The following SOD2 variants were observed in gnomAD, a reference collection of about 807,000 sequenced individuals.
SOD2 encodes the protein superoxide dismutase [Mn], mitochondrial.
In SOD2, 11 loss-of-function variants were observed where a neutral mutation model predicts 27.0. The observed-to-expected ratio is 0.41, with a 90% CI of 0.26 to 0.67. The LOEUF is 0.67. SOD2 is among the 30% of genes least tolerant of loss of function. The pLI is 0.34. For synonymous variants in SOD2, 105 were observed against 103.0 expected (o/e 1.02, Z -0.12); for missense variants, 250 against 274.5 (o/e 0.91, Z 0.63).
intron 1 of SOD2, among the ~76,000 whole-genome samples, chr6:159,757,972 A>ATT (rs574068173): frequency 4.1e-4 from 63 of 152,328 alleles, no homozygotes; most frequent in African/African-American, 1.5e-3. Context: ...TGGACCTGTT[A>ATT]ATGTGACATT....
upstream of SOD2, chr6:159,748,851 T>A: frequency 8.2e-7 from 1 of 1,216,476 alleles, no homozygotes. This position sits in a 1 kb window ranked among gnomAD's most constrained non-coding sequence, Gnocchi z 5.6. Flanking sequence ...GCATAGTGAC[T>A]TAGAGACACT....
intron 1 of SOD2, among the ~76,000 whole-genome samples, chr6:159,717,659 C>T (rs888885733): frequency 6.6e-6 from 1 of 152,082 alleles, no homozygotes; most frequent in Non-Finnish European, 1.5e-5. Flanking sequence ...AGCACTTATT[C>T]CTCCCATCTA....
At chr6:159,710,052 G>A (rs570134159) in intron 1 of SOD2, among the ~76,000 whole-genome samples, 1 of 143,844 alleles carries the variant, frequency 7.0e-6, no homozygotes, top group African/African-American at 2.6e-5. Flanking sequence ...TCACTCATAG[G>A]TGGGAATTGA....
chr6:159,736,761 T>G (rs1027344209), intron 1 of SOD2: 1 of 153,914 alleles, frequency 6.5e-6, no homozygotes, highest in Admixed American at 6.5e-5. Flanking sequence ...CTCTGAAGTT[T>G]TGTTGTCTAG....
intron 1 of SOD2, among the ~76,000 whole-genome samples, chr6:159,754,804 A>G (rs1310438271): frequency 2.0e-5 from 3 of 152,086 alleles, no homozygotes; most frequent in African/African-American, 7.2e-5. Flanking sequence ...TCATTGTTGC[A>G]TGTGGAGGGC....
At position 159,669,396 on chromosome 6, in the gene SOD2, G is replaced by C. The variant is rs1779608987; in HGVS notation, c.*13097C>G. 1 of 152,212 alleles carries C rather than the reference G, an allele frequency of 6.6e-6. No individual in the cohort carries two copies. The highest frequency in any genetic ancestry group is 6.5e-5 in the Admixed American group (1 of 15,282). 9.4% of individuals were successfully genotyped at this position (152,212 alleles called of 1,614,324 possible). On this transcript the variant is annotated 3_prime_UTR_variant, in exon 5 of 5. Transcript: ENST00000538183. ...GTCTAGAAAATCTGTCCAATGCTGA[G>C]AGTAGAGTGAAGTCCTCAACTACTA... is the stretch of plus-strand genomic sequence containing the variant.
chr6:159,701,781 C>G (rs542262323), intron 1 of SOD2, among the ~76,000 whole-genome samples: 43 of 152,132 alleles, frequency 2.8e-4, no homozygotes, highest in African/African-American at 1.0e-3. Context: ...TGAATGGTAC[C>G]CAACATTTCC....
chr6:159,701,398 A>G (rs902173021), intron 1 of SOD2, among the ~76,000 whole-genome samples: 4 of 152,162 alleles, frequency 2.6e-5, no homozygotes, highest in Admixed American at 6.6e-5. Context: ...TAAAGAACAT[A>G]TATTTTTTAA....
chr6:159,682,377 G>A lies in SOD2; in HGVS notation c.*116C>T. Reference sequence around the variant, plus strand: ...ACATTAAGTTGTTTATGAAATAAGTGACTAAGCAACATCAAGAAATGCTAC... The same window carrying A: ...ACATTAAGTTGTTTATGAAATAAGTAACTAAGCAACATCAAGAAATGCTAC... On this transcript the variant is annotated 3_prime_UTR_variant, in exon 5 of 5. Transcript: ENST00000538183. 1 of 794,140 alleles carries A rather than the reference G, an allele frequency of 1.3e-6. No homozygotes were observed. Among genetic ancestry groups the A allele is most frequent in the Non-Finnish European group, 1.8e-6 (1 of 542,782 alleles). The allele number at this position is 794,140 out of a possible 1,614,324, so 49.2% of individuals were successfully genotyped here. A position where few individuals can be genotyped will look rare whatever the true frequency, so the allele number is the denominator to read the frequency against.
chr6:159,692,937 G>C (rs1326006271), intron 1 of SOD2, 74 bp from the exon 2 acceptor site: 12 of 1,392,902 alleles, frequency 8.6e-6, no homozygotes, highest in East Asian at 2.7e-5. Context: ...GCCGAGGAAC[G>C]GCAGCGCGCG....
At chr6:159,704,596 C>T (rs1014886601) in intron 1 of SOD2, among the ~76,000 whole-genome samples, 5 of 152,146 alleles carry the variant, frequency 3.3e-5, no homozygotes, top group Non-Finnish European at 5.9e-5. Flanking sequence ...CTGCCATTGC[C>T]GAGGCTTGAG....
At chr6:159,733,720 C>A (rs1348205234) in intron 1 of SOD2, among the ~76,000 whole-genome samples, 5 of 151,938 alleles carry the variant, frequency 3.3e-5, no homozygotes, top group African/African-American at 1.2e-4. Context: ...TCCAGACCAC[C>A]CTGACCAACA....
At chr6:159,712,244 AT>A (rs1777812177) in intron 1 of SOD2, among the ~76,000 whole-genome samples, 3 of 128,676 alleles carry the variant, frequency 2.3e-5, no homozygotes, top group African/African-American at 8.6e-5. Context: ...CATTGCTCTG[AT>A]CACCCTAACC....
At chr6:159,755,843 T>G in intron 1 of SOD2, 2 of 674,478 alleles carry the variant, frequency 3.0e-6, no homozygotes, top group Non-Finnish European at 4.2e-6. Flanking sequence ...ACTTTGAATG[T>G]TGCTAAAAGG....
chr6:159,690,981 C>A lies in SOD2; in HGVS notation c.226+1680G>T, dbSNP rs12526686. 2.4e-3 allele frequency: 366 copies of A among 152,122 alleles called. 1 individual carries two copies. The highest frequency in any genetic ancestry group is 8.3e-3 in the African/African-American group (345 of 41,540). The allele number at this position is 152,122 out of a possible 1,614,324, so 9.4% of individuals were successfully genotyped here. A position where few individuals can be genotyped will look rare whatever the true frequency, so the allele number is the denominator to read the frequency against. On this transcript the variant is annotated intron_variant, in intron 2 of 4. Transcript: ENST00000538183. The stretch of plus-strand genomic sequence containing the variant: ...TGATGAGATTATGACATTGTTTTAT[C>A]TTTTTTCCCCAAGTTTTCAAACATG...
intron 1 of SOD2, among the ~76,000 whole-genome samples, chr6:159,718,380 T>C (rs539817031): frequency 3.3e-5 from 5 of 152,294 alleles, no homozygotes; most frequent in Admixed American, 3.3e-4. Context: ...TGAATGGTGC[T>C]TCAACATACA....
intron 1 of SOD2, among the ~76,000 whole-genome samples, chr6:159,702,281 C>G (rs1034433889): frequency 6.6e-6 from 1 of 151,754 alleles, no homozygotes. Context: ...AAAGCAAGAC[C>G]CTGTCTGTAT....
rs904101075 is a variant in SOD2 at position 159,675,566 on chromosome 6, T to A, written c.*6927A>T. 4.6e-5 allele frequency: 7 copies of A among 152,248 alleles called. No homozygotes were observed. Among genetic ancestry groups the A allele is most frequent in the South Asian group, 2.1e-4 (1 of 4,816 alleles). The allele number at this position is 152,248 out of a possible 1,614,324, so 9.4% of individuals were successfully genotyped here. Reference sequence around the variant, plus strand: ...CCACATGTAGAAAGCTGAAACTGGATCCCTTCCTTACACCTTATACAAAAA... The same window carrying A: ...CCACATGTAGAAAGCTGAAACTGGAACCCTTCCTTACACCTTATACAAAAA... On this transcript the variant is annotated 3_prime_UTR_variant, in exon 5 of 5. Coordinates refer to ENST00000538183, the MANE Select transcript of SOD2 (RefSeq NM_000636.4).
At chr6:159,737,953 T>C (rs979802932) in intron 1 of SOD2, among the ~76,000 whole-genome samples, 2 of 152,244 alleles carry the variant, frequency 1.3e-5, no homozygotes, top group African/African-American at 4.8e-5. Context: ...CAAATAAATG[T>C]ACAGAGAGGT....
Sources: gnomAD v4.1 joint callset for allele counts (sites outside exome capture counted in the v4.1 genomes callset) on GRCh38, gnomAD v4.1.1 for gene constraint, Gnocchi (gnomAD v3.1) non-coding constraint, MANE v1.5 for transcripts, NCBI Gene and HGNC (gene_info 2026-07-23, HGNC 2026-07-21) for gene names.